The following UNC13C variants were observed in gnomAD, a reference collection of about 807,000 sequenced individuals.
UNC13C encodes the protein unc-13 homolog C.
A neutral mutation model predicts 245.4 loss-of-function variants in UNC13C; 174 were observed. That is an observed-to-expected ratio of 0.71 (90% CI 0.63 to 0.80). The LOEUF (loss-of-function observed/expected upper bound fraction) is 0.80, where lower values mean the gene tolerates loss of function less well. Ranked by LOEUF, UNC13C falls within the 30% of genes least tolerant of loss-of-function variation. UNC13C has a pLI of 0.00. For missense variants in UNC13C, 2,829 were observed against 2,602.9 expected (o/e 1.09, Z -1.89); for synonymous variants, 992 against 895.1 (o/e 1.11, Z -1.93).
chr15:54,477,876 A>C (rs1596452574), intron 19 of UNC13C, among the ~76,000 whole-genome samples: 1 of 149,322 alleles, frequency 6.7e-6, no homozygotes, highest in East Asian at 2.1e-4. Flanking sequence ...ATAGTTTCAG[A>C]AGGAATGGTA....
intron 7 of UNC13C, among the ~76,000 whole-genome samples, chr15:54,245,667 A>G (rs1182779893): frequency 6.6e-6 from 1 of 152,188 alleles, no homozygotes; most frequent in African/African-American, 2.4e-5. Flanking sequence ...AAAAGATCAT[A>G]TTATACCTAA....
At chr15:54,136,905 C>A (rs8039901) in intron 2 of UNC13C, among the ~76,000 whole-genome samples, 113,187 of 151,652 alleles carry the variant, frequency 0.75, 43,243 homozygotes, top group Non-Finnish European at 0.83. Context: ...GCAGTGGTAC[C>A]ATCTAGGCTC....
At chr15:54,002,153 G>T (rs1566941325) in intron 1 of UNC13C, among the ~76,000 whole-genome samples, 1 of 152,142 alleles carries the variant, frequency 6.6e-6, no homozygotes. Context: ...CGGCGTGGTG[G>T]CGGGCACCTG....
the UNC13C span, among the ~76,000 whole-genome samples, chr15:53,907,592 C>T: frequency 3.3e-5 from 5 of 152,100 alleles, no homozygotes; most frequent in African/African-American, 4.8e-5. Flanking sequence ...TCAGTTTCCT[C>T]ATATGTAATG....
At chr15:53,916,360 T>C in the UNC13C span, among the ~76,000 whole-genome samples, 7 of 152,230 alleles carry the variant, frequency 4.6e-5, no homozygotes, top group East Asian at 1.2e-3. Flanking sequence ...ATTTGTGATT[T>C]ATCTCTACTG....
chr15:54,191,967 A>C (rs2034198874), intron 4 of UNC13C, among the ~76,000 whole-genome samples: 1 of 152,140 alleles, frequency 6.6e-6, no homozygotes, highest in Non-Finnish European at 1.5e-5. Flanking sequence ...TCAGATGGAT[A>C]GATTGCAAAA....
At chr15:54,161,339 T>C (rs895673636) in intron 4 of UNC13C, among the ~76,000 whole-genome samples, 1 of 151,900 alleles carries the variant, frequency 6.6e-6, no homozygotes, top group Non-Finnish European at 1.5e-5. Context: ...GGAGATCTTG[T>C]GCTTTTATGT....
chr15:54,175,184 A>C (rs1034980379), intron 4 of UNC13C, among the ~76,000 whole-genome samples: 2 of 152,194 alleles, frequency 1.3e-5, no homozygotes, highest in African/African-American at 4.8e-5. Flanking sequence ...ATGGAAAAGA[A>C]AGCCCTAAAT....
chr15:54,480,147 A>G (rs1245461044), intron 19 of UNC13C, among the ~76,000 whole-genome samples: 1 of 152,026 alleles, frequency 6.6e-6, no homozygotes, highest in East Asian at 1.9e-4. Context: ...TATTCCTTGG[A>G]GGAAGCTTTT....
intron 16 of UNC13C, among the ~76,000 whole-genome samples, chr15:54,335,613 T>A (rs1278382388): frequency 6.6e-6 from 1 of 152,152 alleles, no homozygotes; most frequent in Non-Finnish European, 1.5e-5. Context: ...AGGTTTGCCT[T>A]TCCTAGAACA....
At chr15:54,240,675 G>T (rs139252500) in intron 7 of UNC13C, among the ~76,000 whole-genome samples, 65 of 152,222 alleles carry the variant, frequency 4.3e-4, no homozygotes, top group African/African-American at 1.5e-3. Context: ...CCCATGAGGC[G>T]CTATTAGGAC....
chr15:53,950,027 A>C, the UNC13C span, among the ~76,000 whole-genome samples: 1 of 152,206 alleles, frequency 6.6e-6, no homozygotes, highest in African/African-American at 2.4e-5. Context: ...ATACACAGAA[A>C]TATATCTAGA....
At chr15:54,062,241 C>T (rs1280633468) in intron 2 of UNC13C, among the ~76,000 whole-genome samples, 3 of 151,468 alleles carry the variant, frequency 2.0e-5, no homozygotes, top group South Asian at 4.2e-4. Flanking sequence ...ATCGCTTGAA[C>T]TTGGGAGGTG....
chr15:54,299,418 A>G (rs1349168111), intron 12 of UNC13C, among the ~76,000 whole-genome samples: 1 of 152,188 alleles, frequency 6.6e-6, no homozygotes, highest in Non-Finnish European at 1.5e-5. Flanking sequence ...TATCATTTAC[A>G]CAGCTAAATT....
intron 4 of UNC13C, among the ~76,000 whole-genome samples, chr15:54,192,422 G>C (rs1016608640): frequency 6.6e-5 from 10 of 152,044 alleles, no homozygotes; most frequent in African/African-American, 2.2e-4. Context: ...TCAAAGTAGT[G>C]CATTTGGACA....
In UNC13C at chr15:54,015,336, A is replaced by G. The variant is rs779097805; in HGVS notation, c.2433A>G (p.Val811=). Residue 811 remains valine (V), a synonymous_variant, in exon 2 of 33, where the codon GTA becomes GTG. Coordinates refer to ENST00000260323, the MANE Select transcript of UNC13C (RefSeq NM_001080534.3). The part of the protein sequence containing the change: ...LQRAKSALEV[V]WNKSTQSLSG... ...GGGCTAAATCAGCCTTGGAAGTAGTATGGAACAAAAGCACACAGAGTCTGA... is the reference window on the plus strand; with the variant it reads ...GGGCTAAATCAGCCTTGGAAGTAGTGTGGAACAAAAGCACACAGAGTCTGA... 15 of 1,613,758 alleles carry G rather than the reference A, an allele frequency of 9.3e-6. No homozygotes were observed. The highest frequency in any genetic ancestry group is 1.3e-5 in the African/African-American group (1 of 74,932).
intron 19 of UNC13C, among the ~76,000 whole-genome samples, chr15:54,493,942 A>G (rs901391518): frequency 1.3e-5 from 2 of 152,162 alleles, no homozygotes; most frequent in African/African-American, 4.8e-5. Context: ...GAATGTATCA[A>G]AAAAGCCAAG....
the UNC13C span, among the ~76,000 whole-genome samples, chr15:53,939,249 A>G: frequency 2.6e-5 from 4 of 152,312 alleles, no homozygotes; most frequent in East Asian, 7.7e-4. Flanking sequence ...ATAAATGGAT[A>G]AATTCCTGGA....
the UNC13C span, among the ~76,000 whole-genome samples, chr15:53,848,432 A>G: frequency 7.9e-5 from 12 of 152,204 alleles, no homozygotes; most frequent in Non-Finnish European, 1.6e-4. Flanking sequence ...GGACCTTTTC[A>G]TAGATAGTAT....
Sources: gnomAD v4.1 joint callset for allele counts (sites outside exome capture counted in the v4.1 genomes callset) on GRCh38, gnomAD v4.1.1 for gene constraint, MANE v1.5 for transcripts, NCBI Gene and HGNC (gene_info 2026-07-23, HGNC 2026-07-21) for gene names.